The following HDAC8 variants were observed in gnomAD, a reference collection of about 807,000 sequenced individuals.
HDAC8 encodes histone deacetylase 8.
HDAC8 carries 1 observed loss-of-function variant against 32.2 expected under a neutral mutation model. The ratio of observed to expected loss-of-function variants is 0.03; its 90% CI spans 0.01 to 0.15. The LOEUF is 0.15. Ranked by LOEUF, HDAC8 falls within the 10% of genes least tolerant of loss-of-function variation. The pLI is 1.00. For missense variants in HDAC8, 117 were observed against 300.0 expected (o/e 0.39, Z 4.51); for synonymous variants, 108 against 113.9 (o/e 0.95, Z 0.33).
chrX:72,350,513 A>T (rs1039147300), intron 10 of HDAC8, among the ~76,000 whole-genome samples: 1 of 110,876 alleles, frequency 9.0e-6, no homozygotes, highest in African/African-American at 3.3e-5. Flanking sequence ...ACTCAAAGGT[A>T]GGAGAACTGG....
At chrX:72,543,577 ATACCTTGGTCTTTCTACT>A (rs782027349) in intron 4 of HDAC8, among the ~76,000 whole-genome samples, 1 of 111,847 alleles carries the variant, frequency 8.9e-6, no homozygotes, top group South Asian at 3.8e-4. Flanking sequence ...AGCCTGAAGG[ATACCTTGGTCTTTCTACT>A]TCAACTGTAG....
chrX:72,480,023 G>T, intron 7 of HDAC8, among the ~76,000 whole-genome samples: 2 of 112,204 alleles, frequency 1.8e-5, no homozygotes, highest in Middle Eastern at 9.2e-3. Context: ...GCTCACTTTG[G>T]CCTCATTTCC....
At chrX:72,444,909 T>A (rs1319080538) in intron 9 of HDAC8, among the ~76,000 whole-genome samples, 1 of 107,187 alleles carries the variant, frequency 9.3e-6, no homozygotes, top group Non-Finnish European at 1.9e-5. Flanking sequence ...GAGAGCCAAA[T>A]CATGAGTGAA....
chrX:72,444,528 A>T lies in HDAC8; in HGVS notation c.1005+17476T>A, dbSNP rs1258385386. On this transcript the variant is annotated intron_variant, in intron 9 of 10. Coordinates refer to ENST00000373573, the MANE Select transcript of HDAC8 (RefSeq NM_018486.3). Reference sequence around the variant, plus strand: ...TCTCAATAAATTAGGTATTGATGGGACGTATCTCAAAATAATAAGAGCTAT... The same window carrying T: ...TCTCAATAAATTAGGTATTGATGGGTCGTATCTCAAAATAATAAGAGCTAT... Among the ~76,000 whole-genome samples the T allele has an allele frequency of 4.6e-5, 5 of 107,919 alleles. No individual in the cohort carries two copies. The Admixed American group carries it at 5.0e-4, about 11-fold the overall frequency. 93.7% of individuals were successfully genotyped at this position (107,919 alleles called of 115,157 possible).
At chrX:72,378,338 T>C (rs1055888173) in intron 9 of HDAC8, among the ~76,000 whole-genome samples, 1 of 111,383 alleles carries the variant, frequency 9.0e-6, no homozygotes, top group African/African-American at 3.3e-5. Flanking sequence ...AATGGATTAG[T>C]TCCTGCAAGA....
chrX:72,484,616 A>G (rs1217683524), intron 7 of HDAC8, among the ~76,000 whole-genome samples: 1 of 112,319 alleles, frequency 8.9e-6, no homozygotes, highest in Non-Finnish European at 1.9e-5. Context: ...GGGCTATAAA[A>G]TGATAGGTAG....
At chrX:72,519,518 T>C (rs969309860) in intron 4 of HDAC8, among the ~76,000 whole-genome samples, 9 of 112,274 alleles carry the variant, frequency 8.0e-5, no homozygotes, top group African/African-American at 2.6e-4. Flanking sequence ...TGGTATCTCA[T>C]GGTAGTTTTC....
At chrX:72,533,016 T>A (rs1556036959) in intron 4 of HDAC8, among the ~76,000 whole-genome samples, 1 of 112,004 alleles carries the variant, frequency 8.9e-6, no homozygotes, top group Admixed American at 9.5e-5. Flanking sequence ...AAGTCTTTGA[T>A]CTATTTTGAC....
At chrX:72,522,428 A>C (rs1273489291) in intron 4 of HDAC8, among the ~76,000 whole-genome samples, 3 of 111,202 alleles carry the variant, frequency 2.7e-5, no homozygotes, top group African/African-American at 9.8e-5. Flanking sequence ...CCACTTCCTT[A>C]TTTCCCATTT....
chrX:72,430,511 A>G (rs2046782349), intron 9 of HDAC8, among the ~76,000 whole-genome samples: 1 of 112,488 alleles, frequency 8.9e-6, no homozygotes, highest in African/African-American at 3.2e-5. Context: ...TGGGTTGTCA[A>G]TAGCTTTACA....
chrX:72,510,891 T>A (rs782479137), intron 4 of HDAC8, among the ~76,000 whole-genome samples: 7 of 112,100 alleles, frequency 6.2e-5, no homozygotes, highest in African/African-American at 2.3e-4. Flanking sequence ...TTCACTTGGC[T>A]ATGAATTTTT....
At chrX:72,480,792 C>G (rs2048471307) in intron 7 of HDAC8, among the ~76,000 whole-genome samples, 1 of 111,179 alleles carries the variant, frequency 9.0e-6, no homozygotes, top group Non-Finnish European at 1.9e-5. Flanking sequence ...TCTCAGAAAA[C>G]TAACACTGGA....
chrX:72,568,032 T>G lies in HDAC8; in HGVS notation c.296-2A>C, dbSNP rs782009258. On this transcript the variant is annotated splice_acceptor_variant, in intron 3 of 10. Coordinates refer to ENST00000373573, the MANE Select transcript of HDAC8 (RefSeq NM_018486.3). LOFTEE classifies it high-confidence loss of function. ...CTTCAGTGGCTGGGCAGTCATAACC[T>G]TAGGGCAAAAATCAGAAGAGCTGGT... The G allele has an allele frequency of 8.3e-7, 1 of 1,207,739 alleles. No homozygotes were observed.
chrX:72,496,981 G>A (rs1051919484), intron 4 of HDAC8, among the ~76,000 whole-genome samples: 2 of 111,522 alleles, frequency 1.8e-5, no homozygotes, highest in Non-Finnish European at 3.8e-5. Context: ...TTTGCGTTAC[G>A]AGAAATGGCG....
chrX:72,452,682 C>T (rs2047601809), intron 9 of HDAC8, among the ~76,000 whole-genome samples: 1 of 111,499 alleles, frequency 9.0e-6, no homozygotes, highest in Admixed American at 9.5e-5. Flanking sequence ...CAAACTGATC[C>T]ACAATAACTT....
intron 7 of HDAC8, among the ~76,000 whole-genome samples, chrX:72,470,257 C>T (rs917463186): frequency 1.2e-3 from 131 of 111,234 alleles, no homozygotes; most frequent in African/African-American, 4.1e-3. Context: ...CTATTTCCAT[C>T]TCAACTTCCA....
chrX:72,489,273 G>A (rs782398889), intron 6 of HDAC8: 1 of 472,269 alleles, frequency 2.1e-6, no homozygotes, highest in Non-Finnish European at 3.8e-6. Flanking sequence ...CCTTTGCTTG[G>A]CTTCATGCTT....
chrX:72,383,631 G>A (rs1359792983), intron 9 of HDAC8, among the ~76,000 whole-genome samples: 1 of 111,238 alleles, frequency 9.0e-6, no homozygotes, highest in African/African-American at 3.3e-5. Flanking sequence ...AGCACTTTGG[G>A]AGGCCGAGGC....
chrX:72,558,920 A>G (rs1472238543), intron 4 of HDAC8, among the ~76,000 whole-genome samples: 1 of 110,464 alleles, frequency 9.1e-6, no homozygotes, highest in African/African-American at 3.3e-5. Context: ...ATATACATAA[A>G]TCAATAGCTG....
Sources: gnomAD v4.1 joint callset for allele counts (sites outside exome capture counted in the v4.1 genomes callset) on GRCh38, gnomAD v4.1.1 for gene constraint, MANE v1.5 for transcripts, NCBI Gene and HGNC (gene_info 2026-07-23, HGNC 2026-07-21) for gene names.